Variants in RPSA2 observed in about 807,000 individuals in gnomAD.
The protein encoded by RPSA2 is ribosomal protein SA 2, also known as small ribosomal subunit protein uS2B.
At chr19:23,827,925 C>T in the RPSA2 span, 3 of 870,968 alleles carry the variant, frequency 3.4e-6, no homozygotes, top group Non-Finnish European at 5.6e-6. Flanking sequence ...GTACAGGTGC[C>T]CTCTGTGCCT....
the RPSA2 span, among the ~76,000 whole-genome samples, chr19:23,830,300 A>G: frequency 6.6e-6 from 1 of 152,114 alleles, no homozygotes; most frequent in Non-Finnish European, 1.5e-5. Flanking sequence ...ATGTGCCACC[A>G]CACCCAGCTA....
chr19:23,825,731 C>A, the RPSA2 span, among the ~76,000 whole-genome samples: 1 of 152,048 alleles, frequency 6.6e-6, no homozygotes, highest in East Asian at 1.9e-4. Context: ...AGATTACAGG[C>A]ATGTGCCAAC....
At chr19:23,764,226 G>A in the RPSA2 span, among the ~76,000 whole-genome samples, 1 of 152,224 alleles carries the variant, frequency 6.6e-6, no homozygotes, top group South Asian at 2.1e-4. Context: ...CTAATGTATG[G>A]CAAGCAGGAC....
At chr19:23,845,340 G>T in the RPSA2 span, among the ~76,000 whole-genome samples, 1,119 of 149,282 alleles carry the variant, frequency 7.5e-3, 14 homozygotes, top group African/African-American at 0.026. Flanking sequence ...CTTGAAATAT[G>T]ATGTCAGGTC....
the RPSA2 span, among the ~76,000 whole-genome samples, chr19:23,762,387 C>G: frequency 9.9e-3 from 1,500 of 151,764 alleles, 26 homozygotes; most frequent in African/African-American, 0.034. Flanking sequence ...TAAAAAATGT[C>G]CAAATGGGCA....
chr19:23,869,233 G>T, the RPSA2 span, among the ~76,000 whole-genome samples: 1 of 152,124 alleles, frequency 6.6e-6, no homozygotes, highest in Admixed American at 6.5e-5. Flanking sequence ...GAACAATGTC[G>T]TCAATTATAC....
the RPSA2 span, chr19:23,823,938 C>G: frequency 6.6e-6 from 1 of 152,256 alleles, no homozygotes; most frequent in Admixed American, 6.5e-5. Context: ...AACCTGTCAT[C>G]TCCATCTCCT....
chr19:23,771,415 A>G, the RPSA2 span, among the ~76,000 whole-genome samples: 2 of 152,188 alleles, frequency 1.3e-5, no homozygotes, highest in African/African-American at 2.4e-5. Flanking sequence ...AGACTCATTC[A>G]TGTACTTATA....
the RPSA2 span, among the ~76,000 whole-genome samples, chr19:23,771,985 G>C: frequency 2.1e-4 from 32 of 152,282 alleles, no homozygotes; most frequent in African/African-American, 7.2e-4. Flanking sequence ...CCAGCACCTA[G>C]GTGATATGAT....
chr19:23,817,723 G>A, the RPSA2 span: 1 of 152,214 alleles, frequency 6.6e-6, no homozygotes, highest in African/African-American at 2.4e-5. Flanking sequence ...GTGGCGCAAA[G>A]CTCGTGGTGC....
At chr19:23,780,747 G>A in the RPSA2 span, among the ~76,000 whole-genome samples, 4 of 152,212 alleles carry the variant, frequency 2.6e-5, no homozygotes, top group African/African-American at 4.8e-5. Context: ...GCAGCACAAC[G>A]TTCTCAGAGC....
the RPSA2 span, among the ~76,000 whole-genome samples, chr19:23,792,681 AT>A: frequency 6.6e-6 from 1 of 151,410 alleles, no homozygotes; most frequent in African/African-American, 2.4e-5. Context: ...AGCCCGGCTA[AT>A]TTTTGTATTT....
At chr19:23,832,397 A>T in the RPSA2 span, 1 of 505,718 alleles carries the variant, frequency 2.0e-6, no homozygotes, top group African/African-American at 2.0e-5. Flanking sequence ...TACAAATGTG[A>T]AGAATGTGGC....
the RPSA2 span, among the ~76,000 whole-genome samples, chr19:23,856,298 G>T: frequency 5.3e-5 from 8 of 151,750 alleles, no homozygotes; most frequent in Non-Finnish European, 1.2e-4. Context: ...ACACCAACAC[G>T]ATCCCATAGT....
the RPSA2 span, among the ~76,000 whole-genome samples, chr19:23,850,761 T>C: frequency 6.6e-6 from 1 of 152,064 alleles, no homozygotes; most frequent in Non-Finnish European, 1.5e-5. Flanking sequence ...TTTGCCTGTA[T>C]AATGGCTTTC....
At chr19:23,797,763 G>A in the RPSA2 span, among the ~76,000 whole-genome samples, 2 of 152,146 alleles carry the variant, frequency 1.3e-5, no homozygotes, top group Non-Finnish European at 2.9e-5. Context: ...ATGAACCCAT[G>A]AATTTTATAT....
the RPSA2 span, among the ~76,000 whole-genome samples, chr19:23,822,365 G>C: frequency 0.098 from 14,855 of 152,158 alleles, 1,009 homozygotes; most frequent in South Asian, 0.2. Flanking sequence ...GAGCTGCCTG[G>C]GCTATCCTTT....
the RPSA2 span, among the ~76,000 whole-genome samples, chr19:23,849,490 G>T: frequency 2.0e-5 from 3 of 152,192 alleles, no homozygotes; most frequent in African/African-American, 7.2e-5. Context: ...AGACAGAAAA[G>T]TTTCCGCTTT....
the RPSA2 span, among the ~76,000 whole-genome samples, chr19:23,811,173 C>T: frequency 1.3e-5 from 2 of 151,970 alleles, no homozygotes; most frequent in African/African-American, 4.8e-5. Flanking sequence ...TGCCCGCCAC[C>T]ACCCAGCTAA....
Sources: gnomAD v4.1 joint callset for allele counts (sites outside exome capture counted in the v4.1 genomes callset) on GRCh38, gnomAD v4.1.1 for gene constraint, MANE v1.5 for transcripts, NCBI Gene and HGNC (gene_info 2026-07-23, HGNC 2026-07-21) for gene names.